CSMD2: variants seen among roughly 807,000 people sequenced by gnomAD.
The protein encoded by CSMD2 is CUB and sushi domain-containing protein 2.
Under a neutral mutation model 398.5 loss-of-function variants are expected in CSMD2, and 130 were observed. The ratio of observed to expected loss-of-function variants is 0.33; its 90% CI spans 0.28 to 0.38. The LOEUF (loss-of-function observed/expected upper bound fraction) is 0.38, where lower values mean the gene tolerates loss of function less well. Among genes scored for constraint, CSMD2 ranks in the 10% least tolerant of loss-of-function variants. The probability of loss-of-function intolerance (pLI) is 1.00; values close to 1 mark genes in which losing one functional copy is unlikely to be tolerated. For missense variants in CSMD2, 3,829 were observed against 4,764.9 expected (o/e 0.80, Z 5.78); for synonymous variants, 1,828 against 1,908.5 (o/e 0.96, Z 1.10).
intron 13 of CSMD2, among the ~76,000 whole-genome samples, chr1:33,746,635 G>T (rs541669681): frequency 6.6e-6 from 1 of 152,186 alleles, no homozygotes; most frequent in African/African-American, 2.4e-5. Context: ...AGCTGTTGAT[G>T]GTCAGTCCTT....
chr1:33,706,890 CGT>C (rs1022896831), intron 22 of CSMD2, among the ~76,000 whole-genome samples: 7 of 151,052 alleles, frequency 4.6e-5, no homozygotes, highest in African/African-American at 1.7e-4. Context: ...TTTGTGTATG[CGT>C]GTGTGTGTGC....
chr1:33,538,761 G>A (rs1053470533), intron 60 of CSMD2, among the ~76,000 whole-genome samples: 1 of 152,176 alleles, frequency 6.6e-6, no homozygotes, highest in African/African-American at 2.4e-5. Context: ...ATCTTTTAAA[G>A]CTCCTCAGGC....
At chr1:34,047,250 C>G (rs1335983937) in intron 2 of CSMD2, among the ~76,000 whole-genome samples, 2 of 152,200 alleles carry the variant, frequency 1.3e-5, no homozygotes, top group African/African-American at 4.8e-5. Flanking sequence ...CTAAAACACA[C>G]CTGGCAAGTT....
chr1:33,781,754 G>T (rs1226192713), intron 12 of CSMD2, among the ~76,000 whole-genome samples: 1 of 152,172 alleles, frequency 6.6e-6, no homozygotes, highest in Non-Finnish European at 1.5e-5. Context: ...AGTGCTAATT[G>T]CCTGTTCCTT....
chr1:33,762,211 T>C (rs929919751), intron 13 of CSMD2, among the ~76,000 whole-genome samples: 4 of 152,188 alleles, frequency 2.6e-5, no homozygotes, highest in Non-Finnish European at 4.4e-5. Context: ...GGGGTATTGA[T>C]AGAACTTCAA....
intron 6 of CSMD2, chr1:33,838,986 T>G (rs1660583202): frequency 6.6e-6 from 1 of 152,372 alleles, no homozygotes; most frequent in African/African-American, 2.4e-5. Flanking sequence ...AGAAGCAGCC[T>G]AAACCTGTGA....
intron 3 of CSMD2, among the ~76,000 whole-genome samples, chr1:34,010,286 A>G (rs1262837801): frequency 6.6e-6 from 1 of 152,174 alleles, no homozygotes; most frequent in African/African-American, 2.4e-5. Context: ...TGTAAGACTC[A>G]GCCACAGTGG....
In CSMD2 at chr1:33,731,985, T is replaced by C. The variant is rs142624421; in HGVS notation, c.2369-5300A>G. ...GAAAACAAAATAGGCCATGAGTTTA[T>C]AATTGTTGAGGTTGACTGATAGGTA... On this transcript the variant is annotated intron_variant, in intron 15 of 70. Coordinates refer to ENST00000373381, the MANE Select transcript of CSMD2 (RefSeq NM_001281956.2). Among the ~76,000 whole-genome samples the C allele has an allele frequency of 9.4e-3, 1,439 of 152,314 alleles. 30 individuals carry two copies. The highest frequency in any genetic ancestry group is 0.083 in the South Asian group (403 of 4,828).
At chr1:33,710,098 A>G (rs1393596460) in intron 21 of CSMD2, among the ~76,000 whole-genome samples, 3 of 152,078 alleles carry the variant, frequency 2.0e-5, no homozygotes. Flanking sequence ...TAACATTTCT[A>G]TGTCCTCTAC....
chr1:33,762,081 T>C (rs1245332393), intron 13 of CSMD2, among the ~76,000 whole-genome samples: 1 of 152,176 alleles, frequency 6.6e-6, no homozygotes, highest in Admixed American at 6.5e-5. Context: ...AGAAAAGGTA[T>C]GTAGTGCCTT....
chr1:33,618,734 C>T (rs1304144394), intron 37 of CSMD2, among the ~76,000 whole-genome samples: 2 of 151,982 alleles, frequency 1.3e-5, no homozygotes, highest in Non-Finnish European at 2.9e-5. Context: ...GAGGGTATCC[C>T]CTCATACCCT....
chr1:33,845,390 A>T (rs1557993506), intron 6 of CSMD2, among the ~76,000 whole-genome samples: 2 of 152,234 alleles, frequency 1.3e-5, no homozygotes, highest in South Asian at 2.1e-4. Flanking sequence ...GTGTGCACAG[A>T]TGTGGAATCG....
chr1:33,783,439 C>T (rs199604757), intron 12 of CSMD2, among the ~76,000 whole-genome samples: 2 of 35,426 alleles, frequency 5.6e-5, no homozygotes, highest in Non-Finnish European at 1.1e-4. Flanking sequence ...CATTCTCTCT[C>T]TCTCTCTCTC....
At chr1:34,046,185 T>C (rs1313934885) in intron 2 of CSMD2, among the ~76,000 whole-genome samples, 2 of 152,220 alleles carry the variant, frequency 1.3e-5, no homozygotes, top group Non-Finnish European at 2.9e-5. Flanking sequence ...TGAATCAGTG[T>C]GGAACAGGAT....
chr1:34,106,295 T>C lies in CSMD2; in HGVS notation c.188-17102A>G, dbSNP rs114473403. On this transcript the variant is annotated intron_variant, in intron 1 of 70. Transcript: ENST00000373381. ...GACAAACCTAGAAGGACTGGTGCTTTCATGCAAGTCTGAGAAGGGGCCAAC... is the reference window on the plus strand; with the variant it reads ...GACAAACCTAGAAGGACTGGTGCTTCCATGCAAGTCTGAGAAGGGGCCAAC... 9.8e-3 allele frequency among the ~76,000 whole-genome samples: 1,492 copies of C among 152,278 alleles called. 24 individuals are homozygous for C. Among genetic ancestry groups the C allele is most frequent in the African/African-American group, 0.034 (1,401 of 41,542 alleles).
chr1:34,091,421 T>G (rs1424488005), intron 1 of CSMD2, among the ~76,000 whole-genome samples: 2 of 152,164 alleles, frequency 1.3e-5, no homozygotes, highest in African/African-American at 4.8e-5. Flanking sequence ...GACGAAGAAC[T>G]AAGGCAGAAA....
intron 2 of CSMD2, among the ~76,000 whole-genome samples, chr1:34,054,407 G>A (rs1218597119): frequency 1.2e-4 from 19 of 152,018 alleles, no homozygotes. Context: ...TTTTGTCCTT[G>A]GGTCTGAGAT....
At chr1:33,806,216 T>G (rs1322930489) in intron 10 of CSMD2, among the ~76,000 whole-genome samples, 1 of 152,182 alleles carries the variant, frequency 6.6e-6, no homozygotes, top group Non-Finnish European at 1.5e-5. Flanking sequence ...TACCACCCTC[T>G]GGGAGGATCT....
At chr1:33,997,116 G>T (rs1186408406) in intron 3 of CSMD2, among the ~76,000 whole-genome samples, 1 of 152,162 alleles carries the variant, frequency 6.6e-6, no homozygotes, top group Non-Finnish European at 1.5e-5. Flanking sequence ...TCTCTGCAGG[G>T]CTCAGACCTA....
Sources: gnomAD v4.1 joint callset for allele counts (sites outside exome capture counted in the v4.1 genomes callset) on GRCh38, gnomAD v4.1.1 for gene constraint, MANE v1.5 for transcripts, NCBI Gene and HGNC (gene_info 2026-07-23, HGNC 2026-07-21) for gene names.